The following TMEM232 variants were observed in gnomAD, a reference collection of about 807,000 sequenced individuals.
TMEM232 encodes the protein transmembrane protein 232.
TMEM232 carries 80 observed loss-of-function variants against 78.8 expected under a neutral mutation model. The ratio of observed to expected loss-of-function variants is 1.01; its 90% confidence interval spans 0.85 to 1.22. The LOEUF is 1.22. TMEM232 is among the 50% of genes most tolerant of loss of function. The pLI is 0.00. For synonymous variants in TMEM232, 297 were observed against 254.3 expected (o/e 1.17, Z -1.60); for missense variants, 881 against 742.2 (o/e 1.19, Z -2.17).
At chr5:110,680,432 T>C (rs1197416926) in intron 1 of TMEM232, among the ~76,000 whole-genome samples, 1 of 143,690 alleles carries the variant, frequency 7.0e-6, no homozygotes, top group African/African-American at 2.6e-5. Flanking sequence ...GCAACCTAAG[T>C]AGCTTAAAGT....
intron 12 of TMEM232, among the ~76,000 whole-genome samples, chr5:110,451,923 CAG>C (rs1760339340): frequency 6.6e-6 from 1 of 152,010 alleles, no homozygotes; most frequent in Non-Finnish European, 1.5e-5. Context: ...ATTTATTTAA[CAG>C]AAAATCTGTT....
chr5:110,618,944 A>G (rs951567737), intron 7 of TMEM232, among the ~76,000 whole-genome samples: 1 of 152,214 alleles, frequency 6.6e-6, no homozygotes, highest in Non-Finnish European at 1.5e-5. Context: ...CTAACAGCAA[A>G]TTATGTTTTA....
chr5:110,612,361 A>T (rs1782415697), intron 8 of TMEM232, among the ~76,000 whole-genome samples: 2 of 152,172 alleles, frequency 1.3e-5, no homozygotes, highest in African/African-American at 4.8e-5. Flanking sequence ...TCCAGGGATC[A>T]AAGGATCAAT....
intron 12 of TMEM232, among the ~76,000 whole-genome samples, chr5:110,459,338 A>G (rs933953078): frequency 6.6e-6 from 1 of 152,156 alleles, no homozygotes; most frequent in African/African-American, 2.4e-5. Context: ...CTCAATGTCA[A>G]AAGTCTCACA....
At chr5:110,393,683 G>A (rs563245131) in intron 3 of TMEM232, among the ~76,000 whole-genome samples, 20 of 152,188 alleles carry the variant, frequency 1.3e-4, no homozygotes, top group African/African-American at 3.6e-4. Context: ...TAGGCTGGGT[G>A]CAGTGGCTGA....
chr5:110,689,841 A>C (rs1454704940), intron 1 of TMEM232, among the ~76,000 whole-genome samples: 3 of 152,164 alleles, frequency 2.0e-5, no homozygotes, highest in Non-Finnish European at 2.9e-5. Context: ...ACACATCTAC[A>C]ACCATCTGAT....
At chr5:110,391,314 T>C (rs1755175946) in intron 3 of TMEM232, among the ~76,000 whole-genome samples, 1 of 137,344 alleles carries the variant, frequency 7.3e-6, no homozygotes, top group African/African-American at 3.2e-5. Flanking sequence ...TGTGTGTGTG[T>C]GTGTGTGTGT....
intron 10 of TMEM232, among the ~76,000 whole-genome samples, chr5:110,600,008 T>A (rs1780691837): frequency 6.6e-6 from 1 of 152,092 alleles, no homozygotes; most frequent in South Asian, 2.1e-4. Flanking sequence ...ATTAAGAAAC[T>A]CACTGAAAAC....
At chr5:110,649,183 A>G (rs1015345565) in intron 2 of TMEM232, among the ~76,000 whole-genome samples, 1 of 152,112 alleles carries the variant, frequency 6.6e-6, no homozygotes, top group Non-Finnish European at 1.5e-5. Flanking sequence ...ACAATATTAC[A>G]TTTATATAAA....
chr5:110,710,213 G>A (rs1053601758), intron 1 of TMEM232, among the ~76,000 whole-genome samples: 2 of 152,086 alleles, frequency 1.3e-5, no homozygotes, highest in Non-Finnish European at 2.9e-5. Flanking sequence ...GAACCATGAA[G>A]AAATTCTTAA....
At chr5:110,398,431 T>A (rs923525804) in intron 2 of TMEM232, among the ~76,000 whole-genome samples, 3 of 152,176 alleles carry the variant, frequency 2.0e-5, no homozygotes, top group Admixed American at 1.3e-4. Flanking sequence ...GTTCTGTAGA[T>A]GCCCAAAAGT....
intron 1 of TMEM232, among the ~76,000 whole-genome samples, chr5:110,689,635 T>C (rs894862405): frequency 1.3e-5 from 2 of 152,136 alleles, no homozygotes; most frequent in African/African-American, 2.4e-5. Flanking sequence ...AGAAAACTTC[T>C]TTAAATTTCA....
intron 12 of TMEM232, among the ~76,000 whole-genome samples, chr5:110,496,491 A>C (rs1216451526): frequency 1.3e-5 from 2 of 152,018 alleles, no homozygotes; most frequent in African/African-American, 4.8e-5. Flanking sequence ...TAATGACTAC[A>C]TTCAAAAGGT....
chr5:110,450,546 G>T (rs1162524699), intron 12 of TMEM232, among the ~76,000 whole-genome samples: 1 of 151,940 alleles, frequency 6.6e-6, no homozygotes, highest in East Asian at 1.9e-4. Flanking sequence ...TCTCCCTGTT[G>T]CAGGTTTAGC....
At chr5:110,553,534 T>C (rs762052796) in intron 11 of TMEM232, among the ~76,000 whole-genome samples, 4 of 152,178 alleles carry the variant, frequency 2.6e-5, no homozygotes, top group Non-Finnish European at 5.9e-5. Context: ...TTAGATATTA[T>C]TGGTGTTTAG....
At chr5:110,538,957 G>A (rs1020649426) in intron 11 of TMEM232, among the ~76,000 whole-genome samples, 1 of 152,126 alleles carries the variant, frequency 6.6e-6, no homozygotes, top group Non-Finnish European at 1.5e-5. Context: ...GTCAATTTGA[G>A]AAACAAATCT....
chr5:110,484,544 T>A (rs956480192), intron 12 of TMEM232, among the ~76,000 whole-genome samples: 2 of 151,958 alleles, frequency 1.3e-5, no homozygotes, highest in African/African-American at 4.8e-5. Flanking sequence ...AAATAATTTT[T>A]AAAAATATTC....
chr5:110,472,568 A>T, intron 12 of TMEM232, among the ~76,000 whole-genome samples: 1 of 151,988 alleles, frequency 6.6e-6, no homozygotes, highest in Non-Finnish European at 1.5e-5. Flanking sequence ...ATTTTTATTG[A>T]ACCACAAAAG....
intron 10 of TMEM232, 23 bp downstream of exon 10, chr5:110,605,086 A>C (rs1180276251): frequency 1.3e-6 from 2 of 1,508,940 alleles, no homozygotes; most frequent in Non-Finnish European, 1.8e-6. Context: ...ATTACTCATC[A>C]AAGTAAAAAA....
Sources: gnomAD v4.1 joint callset for allele counts (sites outside exome capture counted in the v4.1 genomes callset) on GRCh38, gnomAD v4.1.1 for gene constraint, MANE v1.5 for transcripts, NCBI Gene and HGNC (gene_info 2026-07-23, HGNC 2026-07-21) for gene names.